GRID2: variants seen among roughly 807,000 people sequenced by gnomAD.
GRID2 encodes the protein glutamate ionotropic receptor delta type subunit 2.
GRID2 carries 33 observed loss-of-function variants against 114.8 expected under a neutral mutation model. That is an observed-to-expected ratio of 0.29 (90% CI 0.22 to 0.38). GRID2 has a LOEUF of 0.38. Ranked by LOEUF, GRID2 falls within the 10% of genes least tolerant of loss-of-function variation. GRID2 has a pLI of 1.00. For synonymous variants in GRID2, 505 were observed against 449.9 expected (o/e 1.12, Z -1.55); for missense variants, 1,184 against 1,257.7 (o/e 0.94, Z 0.89).
intron 8 of GRID2, among the ~76,000 whole-genome samples, chr4:93,378,411 C>A (rs559407232): frequency 6.6e-6 from 1 of 152,056 alleles, no homozygotes; most frequent in African/African-American, 2.4e-5. Flanking sequence ...AGGAAAGGTG[C>A]ATATCTGTTT....
At chr4:93,283,710 A>AT (rs1165057229) in intron 8 of GRID2, among the ~76,000 whole-genome samples, 1 of 152,042 alleles carries the variant, frequency 6.6e-6, no homozygotes, top group African/African-American at 2.4e-5. Context: ...GACTTTCCTG[A>AT]TTTATTGCCT....
intron 4 of GRID2, among the ~76,000 whole-genome samples, chr4:93,168,489 A>C: frequency 6.6e-6 from 1 of 152,146 alleles, no homozygotes; most frequent in East Asian, 1.9e-4. Flanking sequence ...ATGAACAAAT[A>C]GATAAAAAAT....
intron 2 of GRID2, among the ~76,000 whole-genome samples, chr4:92,775,283 T>C (rs1738736175): frequency 6.6e-6 from 1 of 152,166 alleles, no homozygotes; most frequent in Admixed American, 6.6e-5. Flanking sequence ...TACCTTTCGC[T>C]CACTGTTTTG....
chr4:92,649,082 T>G (rs1731795273), intron 2 of GRID2, among the ~76,000 whole-genome samples: 1 of 124,038 alleles, frequency 8.1e-6, no homozygotes, highest in South Asian at 2.6e-4. Context: ...TTACTAAAAG[T>G]TAACTATAGT....
At chr4:92,666,851 A>T (rs1732814494) in intron 2 of GRID2, among the ~76,000 whole-genome samples, 1 of 151,332 alleles carries the variant, frequency 6.6e-6, no homozygotes, top group Admixed American at 6.6e-5. Context: ...AAGTCACTTC[A>T]GCCAAAGAAA....
At chr4:92,543,675 T>C (rs1726095357) in intron 1 of GRID2, among the ~76,000 whole-genome samples, 2 of 152,138 alleles carry the variant, frequency 1.3e-5, no homozygotes, top group Non-Finnish European at 2.9e-5. Context: ...AATGAATGAA[T>C]GGGTGGTGAA....
chr4:93,396,456 C>T (rs1200784805), intron 9 of GRID2, among the ~76,000 whole-genome samples: 1 of 151,848 alleles, frequency 6.6e-6, no homozygotes, highest in Non-Finnish European at 1.5e-5. Flanking sequence ...TGTGGATATG[C>T]TGGACAAAGG....
At chr4:93,457,770 A>C in intron 11 of GRID2, among the ~76,000 whole-genome samples, 1 of 152,160 alleles carries the variant, frequency 6.6e-6, no homozygotes, top group Non-Finnish European at 1.5e-5. Context: ...TTTGAATAGA[A>C]AATTATGTAT....
At chr4:92,805,352 C>G (rs1399402628) in intron 2 of GRID2, among the ~76,000 whole-genome samples, 1 of 151,816 alleles carries the variant, frequency 6.6e-6, no homozygotes, top group Non-Finnish European at 1.5e-5. Flanking sequence ...CCAAAATTCT[C>G]TTTTTGGTGT....
chr4:92,898,645 G>A (rs898465699), intron 2 of GRID2, among the ~76,000 whole-genome samples: 1 of 152,116 alleles, frequency 6.6e-6, no homozygotes, highest in Non-Finnish European at 1.5e-5. Flanking sequence ...AGTTTGGGTA[G>A]TTCAGATTTT....
chr4:92,787,676 G>A (rs984736561), intron 2 of GRID2, among the ~76,000 whole-genome samples: 4 of 151,844 alleles, frequency 2.6e-5, no homozygotes, highest in Non-Finnish European at 5.9e-5. Context: ...ACAGGATGTT[G>A]CCCAGAGAGG....
At chr4:93,094,857 A>G (rs1731067521) in intron 3 of GRID2, among the ~76,000 whole-genome samples, 1 of 152,026 alleles carries the variant, frequency 6.6e-6, no homozygotes, top group Admixed American at 6.6e-5. Flanking sequence ...CTGAGCCCCA[A>G]GCATAAGTAA....
At chr4:92,415,710 A>ATGTGTGTG (rs113594102) in intron 1 of GRID2, among the ~76,000 whole-genome samples, 1 of 107,504 alleles carries the variant, frequency 9.3e-6, no homozygotes, top group South Asian at 3.2e-4. Flanking sequence ...ATGCGCATGT[A>ATGTGTGTG]TGTGTGTGTG....
intron 8 of GRID2, among the ~76,000 whole-genome samples, chr4:93,330,264 G>C (rs1461982733): frequency 1.3e-5 from 2 of 152,076 alleles, no homozygotes; most frequent in Non-Finnish European, 2.9e-5. Context: ...TCCTAGTTCT[G>C]ATATCAAAGT....
chr4:93,627,186 A>G (rs1410668669), intron 14 of GRID2, among the ~76,000 whole-genome samples: 1 of 152,204 alleles, frequency 6.6e-6, no homozygotes, highest in African/African-American at 2.4e-5. Context: ...ACATAGAAGT[A>G]TATCCATTTT....
intron 2 of GRID2, among the ~76,000 whole-genome samples, chr4:93,078,172 A>G (rs1056957869): frequency 6.6e-6 from 1 of 151,762 alleles, no homozygotes; most frequent in Non-Finnish European, 1.5e-5. Context: ...TGCACATTCT[A>G]TTTCTTCTTT....
At chr4:93,748,662 C>T (rs1302160462) in intron 14 of GRID2, among the ~76,000 whole-genome samples, 1 of 150,964 alleles carries the variant, frequency 6.6e-6, no homozygotes, top group African/African-American at 2.4e-5. Flanking sequence ...CTCAAAATGC[C>T]CTATGGATCT....
intron 2 of GRID2, among the ~76,000 whole-genome samples, chr4:92,627,766 C>G (rs1730596499): frequency 6.6e-6 from 1 of 152,134 alleles, no homozygotes; most frequent in Non-Finnish European, 1.5e-5. Flanking sequence ...ATACAACACA[C>G]TTTTAGGTTT....
intron 12 of GRID2, 28 bp downstream of exon 12, chr4:93,490,805 C>T (rs553353017): frequency 6.5e-7 from 1 of 1,534,194 alleles, no homozygotes. Flanking sequence ...CCATTAGCCA[C>T]AAAATATGAG....
Sources: allele counts gnomAD v4.1 joint callset (sites outside exome capture counted in the v4.1 genomes callset), GRCh38; gene constraint gnomAD v4.1.1; transcripts MANE v1.5; gene names NCBI Gene and HGNC (gene_info 2026-07-23, HGNC 2026-07-21).